The following DUS1L variants were observed in gnomAD, a reference collection of about 807,000 sequenced individuals.
DUS1L encodes dihydrouridine synthase 1 like.
DUS1L carries 56 observed loss-of-function variants against 61.2 expected under a neutral mutation model. The observed-to-expected ratio is 0.92, with a 90% CI of 0.74 to 1.14. DUS1L has a LOEUF of 1.14. Among genes scored for constraint, DUS1L ranks in the 50% most tolerant of loss-of-function variants. The probability of loss-of-function intolerance (pLI) is 0.00; values close to 1 mark genes in which losing one functional copy is unlikely to be tolerated. For missense variants in DUS1L, 630 were observed against 632.4 expected (o/e 1.00, Z 0.04); for synonymous variants, 278 against 259.5 (o/e 1.07, Z -0.69).
At chr17:82,060,659 AC>A (rs1300241891) in intron 10 of DUS1L, 41 bp downstream of exon 10, 2 of 1,598,604 alleles carry the variant, frequency 1.3e-6, no homozygotes. Context: ...TGGAGCCCAC[AC>A]CTTGGTGCAC....
Position 82,061,448 on chromosome 17 carries a change from C to T in DUS1L, c.698-95G>A. On this transcript the variant is annotated intron_variant, in intron 7 of 13. Coordinates refer to ENST00000306796, the MANE Select transcript of DUS1L (RefSeq NM_022156.5). ...ACACTCAGGACACCCTTCTGTGCCA[C>T]CTCACAAGGGACAAGGCCAGCTCAG... 13 of 1,502,116 alleles carry T rather than the reference C, an allele frequency of 8.7e-6. 1 individual carries two copies. In the South Asian group the frequency reaches 1.5e-4, roughly 18 times the overall value. The allele number at this position is 1,502,116 out of a possible 1,614,324, so 93.0% of individuals were successfully genotyped here.
rs763269004 is a variant in DUS1L at position 82,061,179 on chromosome 17, A to G, written c.842+30T>C. 5.3e-5 allele frequency: 83 copies of G among 1,563,508 alleles called. 1 individual carries two copies. Among genetic ancestry groups the G allele is most frequent in the Admixed American group, 4.9e-4 (27 of 54,786 alleles). On this transcript the variant is annotated intron_variant, in intron 8 of 13. Transcript: ENST00000306796. ...CGGAATCTGCCTGGGCGGCCCTCCA[A>G]CGTGGCTTCTGCCTTAGGGGGCAAC...
intron 4 of DUS1L, chr17:82,063,215 C>T (rs2033596365): frequency 6.3e-6 from 4 of 633,068 alleles, no homozygotes; most frequent in Admixed American, 2.9e-5. Flanking sequence ...CCCAGGACAT[C>T]TGGGGCTGGG....
Position 82,064,894 on chromosome 17 carries a change from G to T in DUS1L, c.166C>A (p.Arg56Ser), listed in dbSNP as rs745660861. Residue 56 changes from arginine (R) to serine (S), a missense_variant, in exon 2 of 14, where the codon CGC (arginine) becomes AGC (serine). Transcript: ENST00000306796. Reference sequence around the variant, plus strand: ...TTCTCCTTCCGGTAGTTGGCGTCGCGGACAAAGACCTGGGCATGCAGCATG... The same window carrying T: ...TTCTCCTTCCGGTAGTTGGCGTCGCTGACAAAGACCTGGGCATGCAGCATG... Reference protein sequence around the residue: ...TPMLHAQVFVRDANYRKENLY... With the variant: ...TPMLHAQVFVSDANYRKENLY... 1.7e-5 allele frequency: 27 copies of T among 1,612,620 alleles called. No individual in the cohort carries two copies. The highest frequency in any genetic ancestry group is 2.0e-5 in the Non-Finnish European group (24 of 1,179,882).
intron 8 of DUS1L, 111 bp from the exon 9 acceptor site, chr17:82,061,072 T>A: frequency 6.5e-7 from 1 of 1,531,892 alleles, no homozygotes; most frequent in Non-Finnish European, 8.8e-7. Flanking sequence ...ACTCCACTCC[T>A]AAGTCACCCC....
intron 12 of DUS1L, 103 bp from the exon 13 acceptor site, chr17:82,058,519 A>G: frequency 2.0e-6 from 3 of 1,468,098 alleles, no homozygotes; most frequent in Non-Finnish European, 2.7e-6. Context: ...CCAGATGCCC[A>G]CGGCCTGGAT....
chr17:82,061,081 C>G, intron 8 of DUS1L, 120 bp from the exon 9 acceptor site: 2 of 1,535,708 alleles, frequency 1.3e-6, no homozygotes, highest in Non-Finnish European at 1.8e-6. Context: ...CTAAGTCACC[C>G]CAGCCCCTCA....
chr17:82,064,175 A>C lies in DUS1L; in HGVS notation c.297T>G (p.Cys99Trp). 1 of 1,612,936 alleles carries C rather than the reference A, an allele frequency of 6.2e-7. No homozygotes were observed. The highest frequency in any genetic ancestry group is 8.5e-7 in the Non-Finnish European group (1 of 1,179,892). ...VQAALLAQDY[C>W]DAIDLNLGCP... is the part of the protein sequence containing the mutation. Reference sequence around the variant, plus strand: ...AGCCCAAGTTCAGGTCAATGGCGTCACAGTAATCCTGAGCCAGGAGAGCCG... The same window carrying C: ...AGCCCAAGTTCAGGTCAATGGCGTCCCAGTAATCCTGAGCCAGGAGAGCCG... Residue 99 changes from cysteine to tryptophan, a missense_variant, in exon 3 of 14, where the codon TGT (cysteine) becomes TGG (tryptophan). Transcript: ENST00000306796.
chr17:82,062,468 C>T (rs1286755804), intron 5 of DUS1L, among the ~76,000 whole-genome samples: 2 of 152,216 alleles, frequency 1.3e-5, no homozygotes, highest in South Asian at 2.1e-4. Context: ...TCCAGGCCCG[C>T]GCCAGGCCAG....
At chr17:82,058,911 G>A (rs1294275658) in intron 11 of DUS1L, 93 bp from the exon 12 acceptor site, 3 of 1,217,942 alleles carry the variant, frequency 2.5e-6, no homozygotes, top group Non-Finnish European at 1.2e-6. Flanking sequence ...CCTGCTGATG[G>A]CGTCCATGCC....
At chr17:82,059,837 T>C in intron 11 of DUS1L, 111 bp downstream of exon 11, 1 of 1,492,782 alleles carries the variant, frequency 6.7e-7, no homozygotes, top group South Asian at 1.2e-5. Flanking sequence ...TGCTTCCAGC[T>C]CTGGGCCTTG....
chr17:82,063,040 G>A, intron 4 of DUS1L, 67 bp from the exon 5 acceptor site: 1 of 1,392,196 alleles, frequency 7.2e-7, no homozygotes, highest in Non-Finnish European at 1.0e-6. Flanking sequence ...AAGCCCCAGA[G>A]CCCAGGGCCC....
rs2033702550 is a variant in DUS1L at position 82,065,022 on chromosome 17, G to A, written c.38C>T (p.Thr13Ile). Residue 13 changes from threonine to isoleucine, a missense_variant, in exon 2 of 14, where the codon ACC (threonine) becomes ATC (isoleucine). Physicochemically the swap from Thr to Ile is moderately conservative, Grantham distance 89. Transcript: ENST00000306796. ...KLQGFEFWSR[T>I]LRGARHVVAP... ...CACGACGTGGCGGGCCCCTCGCAGGGTGCGGCTCCAGAACTCGAAGCCCTG... is the reference window on the plus strand; with the variant it reads ...CACGACGTGGCGGGCCCCTCGCAGGATGCGGCTCCAGAACTCGAAGCCCTG... The A allele has an allele frequency of 4.4e-6, 7 of 1,607,404 alleles. No homozygotes were observed. The highest frequency in any genetic ancestry group is 6.0e-6 in the Non-Finnish European group (7 of 1,176,460).
chr17:82,060,413 C>T, intron 10 of DUS1L: 2 of 578,946 alleles, frequency 3.5e-6, no homozygotes, highest in South Asian at 4.5e-5. Context: ...GCAAATCCAC[C>T]AGGATCAGAG....
In DUS1L at chr17:82,064,859, G is replaced by C. The variant is rs199671723; in HGVS notation, c.201C>G (p.Cys67Trp). ...DANYRKENLY[C>W]EVCPEDRPLI... ...GGGGCCGGTCCTCGGGGCACACCTCGCAGTACAGGTTCTCCTTCCGGTAGT... is the reference window on the plus strand; with the variant it reads ...GGGGCCGGTCCTCGGGGCACACCTCCCAGTACAGGTTCTCCTTCCGGTAGT... The change falls in exon 2 of 14, where the codon TGC (cysteine) becomes TGG (tryptophan). Residue 67 changes from cysteine to tryptophan, a missense_variant. By Grantham distance (215) the Cys-to-Trp change is radical. Coordinates refer to ENST00000306796, the MANE Select transcript of DUS1L (RefSeq NM_022156.5). The C allele has an allele frequency of 6.2e-7, 1 of 1,612,296 alleles. No homozygotes were observed. Among genetic ancestry groups the C allele is most frequent in the Non-Finnish European group, 8.5e-7 (1 of 1,179,790 alleles).
At chr17:82,061,430 G>A in intron 7 of DUS1L, 77 bp from the exon 8 acceptor site, 1 of 1,525,554 alleles carries the variant, frequency 6.6e-7, no homozygotes, top group Non-Finnish European at 8.8e-7. Context: ...GGGACACTCA[G>A]GACACCCTTC....
In DUS1L at chr17:82,061,337, G is replaced by T; in HGVS notation, c.714C>A (p.Asn238Lys). The change falls in exon 8 of 14, where the codon AAC becomes AAA. Residue 238 changes from asparagine to lysine, a missense_variant. Asn to Lys is a moderately conservative substitution (Grantham distance 94, BLOSUM62 0). Transcript: ENST00000306796. ...GVMSAEGNLH[N>K]PALFEGRSPA... is the part of the protein sequence containing the mutation. ...GGCTCCGGCCCTCGAACAGGGCGGGGTTGTGCAGGTTGCCCTCTGTGGGAG... is the reference window on the plus strand; with the variant it reads ...GGCTCCGGCCCTCGAACAGGGCGGGTTTGTGCAGGTTGCCCTCTGTGGGAG... 5 of 1,584,896 alleles carry T rather than the reference G, an allele frequency of 3.2e-6. No individual in the cohort carries two copies. The highest frequency in any genetic ancestry group is 4.3e-6 in the Non-Finnish European group (5 of 1,163,886).
At position 82,060,386 on chromosome 17, in the gene DUS1L, A is replaced by G. The variant is rs578067692; in HGVS notation, c.1023-293T>C. The G allele has an allele frequency of 3.0e-3, 1,718 of 578,692 alleles. 1 individual carries two copies. Among genetic ancestry groups the G allele is most frequent in the Non-Finnish European group, 4.4e-3 (1,439 of 326,848 alleles). The allele number at this position is 578,692 out of a possible 1,614,324, so 35.8% of individuals were successfully genotyped here. A position where few individuals can be genotyped will look rare whatever the true frequency, so the allele number is the denominator to read the frequency against. On this transcript the variant is annotated intron_variant, in intron 10 of 13. Coordinates refer to ENST00000306796, the MANE Select transcript of DUS1L (RefSeq NM_022156.5). ...TGAGAACCCAGCAGAAGCTGGGGTC[A>G]ACCTCTTGACCCACGGGCAAATCCA...
chr17:82,063,406 G>C lies in DUS1L; in HGVS notation c.397+62C>G, dbSNP rs2033604910. 130 of 1,608,646 alleles carry C rather than the reference G, an allele frequency of 8.1e-5. 3 individuals carry two copies. The South Asian group carries it at 1.4e-3, about 18-fold the overall frequency. On this transcript the variant is annotated intron_variant, in intron 4 of 13. Coordinates refer to ENST00000306796, the MANE Select transcript of DUS1L (RefSeq NM_022156.5). ...CTCCTGAGCCCCAACCAAGTGGACA[G>C]TGCCCATGTGTCCCTCTTGAGGGTC... is the stretch of plus-strand genomic sequence containing the variant.
Sources: allele counts gnomAD v4.1 joint callset (sites outside exome capture counted in the v4.1 genomes callset), GRCh38; gene constraint gnomAD v4.1.1; transcripts MANE v1.5; gene names NCBI Gene and HGNC (gene_info 2026-07-23, HGNC 2026-07-21).